ATXN10: variants seen among roughly 807,000 people sequenced by gnomAD.
ATXN10 encodes the protein ataxin 10, also known as ataxin-10.
A neutral mutation model predicts 52.9 loss-of-function variants in ATXN10; 28 were observed. That is an observed-to-expected ratio of 0.53 (90% CI 0.39 to 0.73). The LOEUF is 0.73. Ranked by LOEUF, ATXN10 falls within the 30% of genes least tolerant of loss-of-function variation. The pLI, the probability that ATXN10 is intolerant of heterozygous loss-of-function variation, is 0.00. For synonymous variants in ATXN10, 226 were observed against 221.5 expected, an observed-to-expected ratio of 1.02 and a Z score of -0.18; for missense variants, 565 against 577.0, an observed-to-expected ratio of 0.98 and a Z score of 0.21.
intron 1 of ATXN10, chr22:45,674,442 T>C (rs1316124328): frequency 6.6e-6 from 1 of 152,352 alleles, no homozygotes; most frequent in African/African-American, 2.4e-5. Flanking sequence ...AAGGACAGGC[T>C]TCTGGTCCTG....
chr22:45,689,497 T>G, intron 1 of ATXN10: 2 of 587,150 alleles, frequency 3.4e-6, no homozygotes, highest in Admixed American at 2.8e-5. Context: ...TTGCAGAGAC[T>G]GAGATAATAC....
rs1306458955 is a variant in ATXN10, at chr22:45,840,144, G to C, written c.1238-2847G>C. Among the ~76,000 whole-genome samples the C allele has an allele frequency of 6.6e-6, 1 of 152,198 alleles. No homozygotes were observed. Among genetic ancestry groups the C allele is most frequent in the African/African-American group, 2.4e-5 (1 of 41,446 alleles). On this transcript the variant is annotated intron_variant, in intron 10 of 11. Coordinates refer to ENST00000252934, the MANE Select transcript of ATXN10 (RefSeq NM_013236.4). This position sits in a 1 kb window ranked among gnomAD's most constrained non-coding sequence, Gnocchi z 5.8. ...TAGTCCCAGCTATTCGGGAGGCTGA[G>C]GCAAGAGGATCACTTGAGCCTAGGC...
chr22:45,834,307 C>A (rs1164377602), intron 10 of ATXN10, among the ~76,000 whole-genome samples: 1 of 152,148 alleles, frequency 6.6e-6, no homozygotes, highest in East Asian at 1.9e-4. Context: ...TGGTAAACAG[C>A]CTCTTTACCT....
At chr22:45,811,650 G>A (rs1325922362) in intron 10 of ATXN10, 10 of 461,192 alleles carry the variant, frequency 2.2e-5, no homozygotes, top group Non-Finnish European at 4.1e-5. Context: ...TAGAATGTGA[G>A]TACATTCTGT....
In ATXN10 at chr22:45,818,854, G is replaced by A. The variant is rs1928553091; in HGVS notation, c.1237+11832G>A. Among the ~76,000 whole-genome samples the A allele has an allele frequency of 6.6e-6, 1 of 152,176 alleles. No individual in the cohort carries two copies. The highest frequency in any genetic ancestry group is 2.1e-4 in the South Asian group (1 of 4,818). Reference sequence around the variant, plus strand: ...GTGGACACTGATTGCCTGTTCCTAAGGACCTGCTCCTTAGAGCCAAGCCCC... The same window carrying A: ...GTGGACACTGATTGCCTGTTCCTAAAGACCTGCTCCTTAGAGCCAAGCCCC... On this transcript the variant is annotated intron_variant, in intron 10 of 11. Transcript: ENST00000252934. This position sits in a 1 kb window ranked among gnomAD's most constrained non-coding sequence, Gnocchi z 4.6.
rs772429110 is a variant in ATXN10 at position 45,762,068 on chromosome 22, GT to G, written c.1173+21533del. On this transcript the variant is annotated intron_variant, in intron 9 of 11. Coordinates refer to ENST00000252934, the MANE Select transcript of ATXN10 (RefSeq NM_013236.4). The surrounding 1 kb of genome is among the most constrained non-coding windows in gnomAD (Gnocchi z 4.3). ...TCATATGTTTTTACTTCACTTTATG[GT>G]TTAAGTGAGCCAACCAACAAAAGTT... Among the ~76,000 whole-genome samples, 11 of 152,186 alleles carry G rather than the reference GT, an allele frequency of 7.2e-5. No individual in the cohort carries two copies. The South Asian group carries it at 1.9e-3, about 26-fold the overall frequency.
chr22:45,683,831 AG>A lies in ATXN10; in HGVS notation c.117-5880del, dbSNP rs1365287091. Among the ~76,000 whole-genome samples the A allele has an allele frequency of 6.6e-6, 1 of 152,218 alleles. No homozygotes were observed. The highest frequency in any genetic ancestry group is 1.5e-5 in the Non-Finnish European group (1 of 68,042). On this transcript the variant is annotated intron_variant, in intron 1 of 11. Transcript: ENST00000252934. The surrounding 1 kb of genome is among the most constrained non-coding windows in gnomAD (Gnocchi z 4.8). The stretch of plus-strand genomic sequence containing the variant: ...TCCCCAGGTCTTTAATGCTATTGAT[AG>A]ATGCCATTTACCAAGTTACCATGTA...
rs1569019666 is a variant in ATXN10 at position 45,677,809 on chromosome 22, GAAC to G, written c.116+5633_116+5635del. Reference sequence around the variant, plus strand: ...TGGCTATTATCCAAAAAATGGAAAAGAACAAGTATCGTTGAGGATGTGGGGAAA... The same window carrying G: ...TGGCTATTATCCAAAAAATGGAAAAGAAGTATCGTTGAGGATGTGGGGAAA... On this transcript the variant is annotated intron_variant, in intron 1 of 11. Transcript: ENST00000252934. This position sits in a 1 kb window ranked among gnomAD's most constrained non-coding sequence, Gnocchi z 4.1. 1 of 152,204 alleles carries G rather than the reference GAAC, an allele frequency of 6.6e-6. No individual in the cohort carries two copies. The highest frequency in any genetic ancestry group is 2.4e-5 in the African/African-American group (1 of 41,466). The allele number at this position is 152,204 out of a possible 1,614,324, so 9.4% of individuals were successfully genotyped here.
chr22:45,778,052 A>G (rs1204052428), intron 9 of ATXN10, among the ~76,000 whole-genome samples: 1 of 152,176 alleles, frequency 6.6e-6, no homozygotes, highest in Non-Finnish European at 1.5e-5. Context: ...CTACAACAAC[A>G]CAGTTGAGTA....
chr22:45,795,386 TTC>T lies in ATXN10; in HGVS notation c.1174-11571_1174-11570del, dbSNP rs1927684541. Among the ~76,000 whole-genome samples, 3 of 149,230 alleles carry T rather than the reference TTC, an allele frequency of 2.0e-5. No homozygotes were observed. The highest frequency in any genetic ancestry group is 7.5e-5 in the African/African-American group (3 of 39,894). On this transcript the variant is annotated intron_variant, in intron 9 of 11. Coordinates refer to ENST00000252934, the MANE Select transcript of ATXN10 (RefSeq NM_013236.4). The surrounding 1 kb of genome is among the most constrained non-coding windows in gnomAD (Gnocchi z 4.6). ...TTCTATTCTATTCTATTCTATTCTA[TTC>T]TATTCTATTCTATTCTATTCTATTC...
rs8141212 is a variant in ATXN10 at position 45,842,189 on chromosome 22, T to C, written c.1238-802T>C. 0.38 allele frequency among the ~76,000 whole-genome samples: 57,745 copies of C among 152,000 alleles called. 11,367 individuals carry two copies. The highest frequency in any genetic ancestry group is 0.48 in the Middle Eastern group (141 of 294). On this transcript the variant is annotated intron_variant, in intron 10 of 11. Transcript: ENST00000252934. This position sits in a 1 kb window ranked among gnomAD's most constrained non-coding sequence, Gnocchi z 4.8. ...AGACTGGTCCCTGCAGTAGTTTTTG[T>C]ACAGTCCTTTATAGAACTACATATA...
At chr22:45,714,628 C>T (rs532887317) in intron 5 of ATXN10, among the ~76,000 whole-genome samples, 2 of 152,248 alleles carry the variant, frequency 1.3e-5, no homozygotes, top group South Asian at 4.2e-4. Context: ...GCAGTCCTTC[C>T]ACCTTGGCCT....
At chr22:45,748,179 T>TA (rs369182405) in intron 9 of ATXN10, among the ~76,000 whole-genome samples, 149 of 145,050 alleles carry the variant, frequency 1.0e-3, no homozygotes, top group Middle Eastern at 3.6e-3. Flanking sequence ...ACTCTGTCTT[T>TA]AAAAAAAAAA....
At chr22:45,730,221 A>G (rs1337915930) in intron 7 of ATXN10, among the ~76,000 whole-genome samples, 1 of 151,544 alleles carries the variant, frequency 6.6e-6, no homozygotes, top group African/African-American at 2.4e-5. Context: ...GCACATGCCT[A>G]TAGACCCAGC....
At position 45,728,564 on chromosome 22, in the gene ATXN10, T is replaced by TTTAA. The variant is rs1924965961; in HGVS notation, c.729-858_729-857insATTA. Among the ~76,000 whole-genome samples, 1 of 152,216 alleles carries TTTAA rather than the reference T, an allele frequency of 6.6e-6. No homozygotes were observed. The highest frequency in any genetic ancestry group is 1.5e-5 in the Non-Finnish European group (1 of 68,036). ...ATGTTCCATGCCTAATTTGAGTGTA[T>TTTAA]TTACCCTTATTTGCTAATAAGCAGT... On this transcript the variant is annotated intron_variant, in intron 6 of 11. Transcript: ENST00000252934. The surrounding 1 kb of genome is among the most constrained non-coding windows in gnomAD (Gnocchi z 4.3).
intron 9 of ATXN10, among the ~76,000 whole-genome samples, chr22:45,779,306 G>T (rs746911854): frequency 6.6e-6 from 1 of 152,108 alleles, no homozygotes; most frequent in Non-Finnish European, 1.5e-5. Flanking sequence ...CTTGGGCCTC[G>T]TATGTAAGTG....
In ATXN10 at chr22:45,705,517, T is replaced by C. The variant is rs562072921; in HGVS notation, c.647+2670T>C. On this transcript the variant is annotated intron_variant, in intron 5 of 11. Coordinates refer to ENST00000252934, the MANE Select transcript of ATXN10 (RefSeq NM_013236.4). The surrounding 1 kb of genome is among the most constrained non-coding windows in gnomAD (Gnocchi z 5.2). ...GGTGCGATCTCGGCTCACTGCAACCTCCGCCTCTTGGGTTCAAGCAATTCT... is the reference window on the plus strand; with the variant it reads ...GGTGCGATCTCGGCTCACTGCAACCCCCGCCTCTTGGGTTCAAGCAATTCT... 1.5e-3 allele frequency among the ~76,000 whole-genome samples: 221 copies of C among 152,112 alleles called. No individual in the cohort carries two copies. The highest frequency in any genetic ancestry group is 2.4e-3 in the Admixed American group (37 of 15,290).
intron 9 of ATXN10, among the ~76,000 whole-genome samples, chr22:45,778,750 T>G (rs949968338): frequency 6.6e-6 from 1 of 152,220 alleles, no homozygotes; most frequent in Non-Finnish European, 1.5e-5. Context: ...AAGATTGTTC[T>G]TGGTACACAG....
chr22:45,843,205 T>G lies in ATXN10; in HGVS notation c.1425+27T>G. On this transcript the variant is annotated intron_variant, in intron 11 of 11. Transcript: ENST00000252934. The surrounding 1 kb of genome is among the most constrained non-coding windows in gnomAD (Gnocchi z 4.5). ...TAAGTACCCTCGAGGGAACTGTCCTTCCCTTTGGTTTGTAGAAAGCTGTTT... is the reference window on the plus strand; with the variant it reads ...TAAGTACCCTCGAGGGAACTGTCCTGCCCTTTGGTTTGTAGAAAGCTGTTT... 1 of 1,612,008 alleles carries G rather than the reference T, an allele frequency of 6.2e-7. No homozygotes were observed.
Sources: gnomAD v4.1 joint callset for allele counts (sites outside exome capture counted in the v4.1 genomes callset) on GRCh38, gnomAD v4.1.1 for gene constraint, Gnocchi (gnomAD v3.1) non-coding constraint, MANE v1.5 for transcripts, NCBI Gene and HGNC (gene_info 2026-07-23, HGNC 2026-07-21) for gene names.